MATN2: variants seen among roughly 807,000 people sequenced by gnomAD.
The protein encoded by MATN2 is matrilin 2, also known as matrilin-2.
In MATN2, 69 loss-of-function variants were observed where a neutral mutation model predicts 103.2. The ratio of observed to expected loss-of-function variants is 0.67; its 90% confidence interval spans 0.55 to 0.82. The LOEUF is 0.82. MATN2 is among the 40% of genes least tolerant of loss of function. MATN2 has a pLI of 0.00. For missense variants in MATN2, 1,023 were observed against 1,211.5 expected, an observed-to-expected ratio of 0.84 and a Z score of 2.31; for synonymous variants, 429 against 450.2, an observed-to-expected ratio of 0.95 and a Z score of 0.60.
At chr8:98,001,462 C>CTTTTTT (rs35005441) in intron 7 of MATN2, among the ~76,000 whole-genome samples, 2 of 118,920 alleles carry the variant, frequency 1.7e-5, no homozygotes, top group Non-Finnish European at 1.7e-5. Context: ...ACACTTTTGT[C>CTTTTTT]TTTTTTTTTT....
At chr8:97,900,936 GC>G (rs1260699044) in intron 2 of MATN2, among the ~76,000 whole-genome samples, 3 of 151,982 alleles carry the variant, frequency 2.0e-5, no homozygotes, top group African/African-American at 7.2e-5. Context: ...CTCTGTCCCC[GC>G]CCCCCCAAAA....
At chr8:98,008,834 C>T (rs1813063125) in intron 10 of MATN2, among the ~76,000 whole-genome samples, 1 of 152,196 alleles carries the variant, frequency 6.6e-6, no homozygotes, top group African/African-American at 2.4e-5. Context: ...TTCTGTCCAC[C>T]TCGTTCCTGT....
In MATN2 at chr8:98,007,172, C is replaced by T. The variant is rs371466690; in HGVS notation, c.1395C>T (p.Phe465=). ...TGTGTCTGAACACGGAGGATTCCTT[C>T]GTCTGCCAGTGCTCAGAAGGCTTCC... ...EQLCLNTEDS[F]VCQCSEGFLI... Residue 465 remains phenylalanine (F), a synonymous_variant, in exon 9 of 19, where the codon TTC becomes TTT. Coordinates refer to ENST00000254898, the MANE Select transcript of MATN2 (RefSeq NM_002380.5). The surrounding 1 kb of genome is among the most constrained non-coding windows in gnomAD (Gnocchi z 4.2). 1.9e-6 allele frequency: 3 copies of T among 1,613,826 alleles called. No individual in the cohort carries two copies. Among genetic ancestry groups the T allele is most frequent in the African/African-American group, 1.3e-5 (1 of 75,040 alleles).
intron 1 of MATN2, among the ~76,000 whole-genome samples, chr8:97,878,190 A>G (rs867873084): frequency 6.6e-6 from 1 of 152,222 alleles, no homozygotes; most frequent in African/African-American, 2.4e-5. Context: ...ATACATTATT[A>G]TAAGTAGATA....
At chr8:97,869,429 C>T (rs1383285609) in intron 1 of MATN2, 142 bp downstream of exon 1, 1 of 136,742 alleles carries the variant, frequency 7.3e-6, no homozygotes, top group Non-Finnish European at 1.7e-5. Context: ...GCCCCCAGCG[C>T]CCCGGGGCCC....
intron 2 of MATN2, among the ~76,000 whole-genome samples, chr8:97,921,512 G>A (rs1259551645): frequency 6.6e-6 from 1 of 152,244 alleles, no homozygotes; most frequent in Non-Finnish European, 1.5e-5. Flanking sequence ...CAAGGACCAT[G>A]GTGCCTTAAT....
chr8:97,875,262 C>T (rs541724876), intron 1 of MATN2, among the ~76,000 whole-genome samples: 2 of 152,270 alleles, frequency 1.3e-5, no homozygotes, highest in South Asian at 2.1e-4. Flanking sequence ...AATAACCACC[C>T]CCTTCCAGAA....
chr8:98,025,230 G>A (rs1420022242), intron 13 of MATN2: 1 of 152,144 alleles, frequency 6.6e-6, no homozygotes, highest in Non-Finnish European at 1.5e-5. Flanking sequence ...GCACTTAATG[G>A]AGAAACAGAA....
intron 1 of MATN2, among the ~76,000 whole-genome samples, chr8:97,883,519 C>G (rs1189746710): frequency 6.6e-6 from 1 of 150,650 alleles, no homozygotes; most frequent in African/African-American, 2.4e-5. Context: ...TCCCAAGTAG[C>G]TGGGACTGCA....
intron 5 of MATN2, among the ~76,000 whole-genome samples, chr8:97,965,588 C>A (rs1409646548): frequency 2.0e-5 from 3 of 152,202 alleles, no homozygotes; most frequent in Non-Finnish European, 4.4e-5. Flanking sequence ...AATCCTAGTA[C>A]TTTGGGAGGC....
At chr8:97,884,376 G>A (rs1818355989) in intron 1 of MATN2, among the ~76,000 whole-genome samples, 1 of 151,656 alleles carries the variant, frequency 6.6e-6, no homozygotes, top group Non-Finnish European at 1.5e-5. Context: ...CTGACCTCAG[G>A]TGATACACCC....
intron 18 of MATN2, 125 bp downstream of exon 18, chr8:98,033,784 A>C: frequency 2.4e-5 from 17 of 699,434 alleles, no homozygotes; most frequent in Non-Finnish European, 3.5e-5. Context: ...AGTGATCTCC[A>C]GGAAAGGCTT....
At chr8:97,965,201 ATGAAGT>A (rs935920151) in intron 5 of MATN2, among the ~76,000 whole-genome samples, 2 of 152,220 alleles carry the variant, frequency 1.3e-5, no homozygotes, top group African/African-American at 2.4e-5. Context: ...GAAGTAGGAG[ATGAAGT>A]TGAAGACAGC....
chr8:97,961,346 T>A, intron 4 of MATN2, 62 bp from the exon 5 acceptor site: 1 of 1,501,184 alleles, frequency 6.7e-7, no homozygotes, highest in East Asian at 2.5e-5. Context: ...TGCCTCACCC[T>A]GGGCTGGGAG....
chr8:97,981,177 C>T (rs1435163380), intron 6 of MATN2, among the ~76,000 whole-genome samples: 1 of 139,736 alleles, frequency 7.2e-6, no homozygotes, highest in Admixed American at 6.9e-5. Flanking sequence ...ACAGTAAGAC[C>T]TTGTCTTAAA....
rs2130446542 is a variant in MATN2, at chr8:98,027,760, G to A, written c.2287G>A (p.Ala763Thr). 1 of 1,609,676 alleles carries A rather than the reference G, an allele frequency of 6.2e-7. No homozygotes were observed. Among genetic ancestry groups the A allele is most frequent in the Non-Finnish European group, 8.5e-7 (1 of 1,178,658 alleles). Residue 763 changes from alanine (A) to threonine (T), a missense_variant, in exon 14 of 19, where the codon GCC becomes ACC. Ala to Thr is a moderately conservative substitution (Grantham distance 58). Transcript: ENST00000254898. ...CCTTTCCACAAGGGTGCCCAGAGCA[G>A]CCATTGTGTTCACCGACGGACGGGC... ...RPLSTRVPRA[A>T]IVFTDGRAQD... is the part of the protein sequence containing the mutation.
chr8:97,881,807 A>T (rs1332232499), intron 1 of MATN2, among the ~76,000 whole-genome samples: 1 of 151,322 alleles, frequency 6.6e-6, no homozygotes, highest in Admixed American at 6.6e-5. Flanking sequence ...TTTCACTGCC[A>T]TTGCAGTTTT....
intron 10 of MATN2, among the ~76,000 whole-genome samples, chr8:98,009,408 G>A (rs979135425): frequency 1.3e-5 from 2 of 152,148 alleles, no homozygotes; most frequent in African/African-American, 4.8e-5. Flanking sequence ...AAAGCCTTTT[G>A]GGGGGCAGTC....
chr8:97,937,583 C>T (rs1279999467), intron 3 of MATN2, among the ~76,000 whole-genome samples: 4 of 89,808 alleles, frequency 4.5e-5, no homozygotes, highest in South Asian at 4.3e-4. Flanking sequence ...TCCCCACTAA[C>T]TTTTTTTTTT....
Sources: gnomAD v4.1 joint callset for allele counts (sites outside exome capture counted in the v4.1 genomes callset) on GRCh38, gnomAD v4.1.1 for gene constraint, Gnocchi (gnomAD v3.1) non-coding constraint, MANE v1.5 for transcripts, NCBI Gene and HGNC (gene_info 2026-07-23, HGNC 2026-07-21) for gene names.